ATP6V1B2: variants seen among roughly 807,000 people sequenced by gnomAD.
ATP6V1B2 encodes V-type proton ATPase subunit B, brain isoform.
ATP6V1B2 carries 23 observed loss-of-function variants against 66.7 expected under a neutral mutation model. The observed-to-expected ratio is 0.34, with a 90% CI of 0.25 to 0.49. The LOEUF is 0.49. Ranked by LOEUF, ATP6V1B2 falls within the 20% of genes least tolerant of loss-of-function variation. The pLI, the probability that ATP6V1B2 is intolerant of heterozygous loss-of-function variation, is 0.99. For missense variants in ATP6V1B2, 478 were observed against 650.8 expected (o/e 0.73, Z 2.89); for synonymous variants, 278 against 236.7 (o/e 1.17, Z -1.60).
rs942270609 is a variant in ATP6V1B2 at position 20,211,025 on chromosome 8, A to G, written c.464-152A>G. On this transcript the variant is annotated intron_variant, in intron 5 of 13. Transcript: ENST00000276390. ...AAATTATTTCAAGTTTCATATTTGA[A>G]AAATAACTGATTTTTTTTGTAGTAA... The G allele has an allele frequency of 4.7e-6, 5 of 1,053,474 alleles. No homozygotes were observed. The African/African-American group carries it at 8.5e-5, about 18-fold the overall frequency. 65.3% of individuals were successfully genotyped at this position (1,053,474 alleles called of 1,614,324 possible).
At position 20,218,511 on chromosome 8, in the gene ATP6V1B2, C is replaced by T. The variant is rs2072876750; in HGVS notation, c.1396+229C>T. On this transcript the variant is annotated intron_variant, in intron 13 of 13. Transcript: ENST00000276390. The stretch of plus-strand genomic sequence containing the variant: ...TACTCAGCTACCATCTCACTGTTTT[C>T]CTTCTTCCATCGCCCTTCTGAATCC... 2.6e-5 allele frequency among the ~76,000 whole-genome samples: 4 copies of T among 152,114 alleles called. No homozygotes were observed. In the South Asian group the frequency reaches 8.3e-4, roughly 31 times the overall value.
chr8:20,218,344 C>G, intron 13 of ATP6V1B2, 62 bp downstream of exon 13: 3 of 1,575,538 alleles, frequency 1.9e-6, no homozygotes, highest in Non-Finnish European at 2.6e-6. Flanking sequence ...AAACTGCTTT[C>G]CAAGCCTAAG....
rs186239163 is a variant in ATP6V1B2, at chr8:20,207,750, A to G, written c.193-1683A>G. 4.9e-4 allele frequency among the ~76,000 whole-genome samples: 74 copies of G among 152,062 alleles called. 1 individual carries two copies. The highest frequency in any genetic ancestry group is 1.8e-3 in the African/African-American group (73 of 41,558). On this transcript the variant is annotated intron_variant, in intron 2 of 13. Coordinates refer to ENST00000276390, the MANE Select transcript of ATP6V1B2 (RefSeq NM_001693.4). ...AAAAAAAAAGTGTTAAAACTTTTGT[A>G]TGAAGAGATACCATAAGCAAAATTA...
intron 10 of ATP6V1B2, 95 bp downstream of exon 10, chr8:20,215,063 A>G (rs1801103473): frequency 1.5e-6 from 2 of 1,321,886 alleles, no homozygotes; most frequent in Non-Finnish European, 1.0e-6. Context: ...TTGAGAACAC[A>G]TCCCCTAAGA....
At chr8:20,199,000 C>T (rs916186745) in intron 1 of ATP6V1B2, among the ~76,000 whole-genome samples, 4 of 152,156 alleles carry the variant, frequency 2.6e-5, no homozygotes, top group Admixed American at 2.6e-4. Flanking sequence ...TTGGGTAGAA[C>T]AGATAGACAT....
intron 1 of ATP6V1B2, among the ~76,000 whole-genome samples, chr8:20,198,048 C>T (rs1479354869): frequency 1.3e-5 from 2 of 152,154 alleles, no homozygotes; most frequent in Admixed American, 6.5e-5. Flanking sequence ...GGCCAGTAGC[C>T]AGAGGGAGAT....
chr8:20,215,604 C>T (rs879721440), intron 10 of ATP6V1B2: 15 of 152,152 alleles, frequency 9.9e-5, no homozygotes, highest in Non-Finnish European at 1.9e-4. Flanking sequence ...CACTCATTTG[C>T]TCCTCATAGC....
Position 20,204,424 on chromosome 8 carries a change from G to T in ATP6V1B2, c.137-60G>T, listed in dbSNP as rs146880422. On this transcript the variant is annotated intron_variant, in intron 1 of 13. Coordinates refer to ENST00000276390, the MANE Select transcript of ATP6V1B2 (RefSeq NM_001693.4). Reference sequence around the variant, plus strand: ...AGAAAGGATTTTTGGTAATGCCAGAGAGCTAATTTAAGCTTTTGTGCTATT... The same window carrying T: ...AGAAAGGATTTTTGGTAATGCCAGATAGCTAATTTAAGCTTTTGTGCTATT... 14,335 of 1,454,626 alleles carry T rather than the reference G, an allele frequency of 9.9e-3. 107 individuals are homozygous for T. Among genetic ancestry groups the T allele is most frequent in the Non-Finnish European group, 0.011 (11,734 of 1,041,048 alleles). 90.1% of individuals were successfully genotyped at this position (1,454,626 alleles called of 1,614,324 possible).
At chr8:20,216,829 T>C (rs1230789816) in intron 11 of ATP6V1B2, 2 of 261,680 alleles carry the variant, frequency 7.6e-6, no homozygotes, top group Non-Finnish European at 1.5e-5. Context: ...CTCTAGTAGA[T>C]GCTGACTTCT....
chr8:20,218,203 T>C lies in ATP6V1B2; in HGVS notation c.1317T>C (p.Val439=). The change falls in exon 13 of 14, where the codon GTT becomes GTC. Residue 439 remains valine (V), a synonymous_variant. Coordinates refer to ENST00000276390, the MANE Select transcript of ATP6V1B2 (RefSeq NM_001693.4). ...ATGTGCAAGCCATGAAAGCTGTCGT[T>C]GGAGAAGAAGCCCTTACCTCAGATG... ...GKDVQAMKAV[V]GEEALTSDDL... 1 of 1,613,504 alleles carries C rather than the reference T, an allele frequency of 6.2e-7. No individual in the cohort carries two copies. Among genetic ancestry groups the C allele is most frequent in the Non-Finnish European group, 8.5e-7 (1 of 1,179,540 alleles).
chr8:20,204,560 G>T, intron 2 of ATP6V1B2, 21 bp downstream of exon 2: 2 of 1,598,144 alleles, frequency 1.3e-6, no homozygotes, highest in South Asian at 2.2e-5. Flanking sequence ...TATCTGTTTT[G>T]GTCTATTTAT....
chr8:20,208,289 G>A (rs973730994), intron 2 of ATP6V1B2, among the ~76,000 whole-genome samples: 1 of 152,160 alleles, frequency 6.6e-6, no homozygotes, highest in Non-Finnish European at 1.5e-5. Flanking sequence ...ACTGGTAAAA[G>A]AACAGCTGAA....
chr8:20,205,322 G>C (rs1274104763), intron 2 of ATP6V1B2, among the ~76,000 whole-genome samples: 4 of 152,162 alleles, frequency 2.6e-5, no homozygotes, highest in Non-Finnish European at 1.5e-5. Context: ...ATTGTGTTAA[G>C]TGCTGAGCCC....
At chr8:20,220,025 C>T (rs185816063) in intron 13 of ATP6V1B2, among the ~76,000 whole-genome samples, 2 of 152,288 alleles carry the variant, frequency 1.3e-5, no homozygotes, top group East Asian at 1.9e-4. Flanking sequence ...TCACCATCCT[C>T]TCCCGCAAGA....
rs1490213139 is a variant in ATP6V1B2 at position 20,209,470 on chromosome 8, C to T, written c.230C>T (p.Pro77Leu). ...GCTGAAATTGTCCATTTGACCTTACCGGATGGCACAAAGAGAAGTGGGCAA... is the reference window on the plus strand; with the variant it reads ...GCTGAAATTGTCCATTTGACCTTACTGGATGGCACAAAGAGAAGTGGGCAA... ...RYAEIVHLTL[P>L]DGTKRSGQVL... The change falls in exon 3 of 14, where the codon CCG becomes CTG. Residue 77 changes from proline to leucine, a missense_variant. By Grantham distance (98) the Pro-to-Leu change is moderately conservative. Around this residue, in one of 2 missense-constraint regions of ATP6V1B2, gnomAD observed 152 missense variants for 105.2 expected, o/e 1.44. Coordinates refer to ENST00000276390, the MANE Select transcript of ATP6V1B2 (RefSeq NM_001693.4). 10 of 1,613,722 alleles carry T rather than the reference C, an allele frequency of 6.2e-6. No individual in the cohort carries two copies. Among genetic ancestry groups the T allele is most frequent in the African/African-American group, 4.0e-5 (3 of 74,850 alleles).
At chr8:20,211,618 G>C (rs2072794054) in intron 6 of ATP6V1B2, 34 bp from the exon 7 acceptor site, 17 of 1,560,564 alleles carry the variant, frequency 1.1e-5, no homozygotes, top group Non-Finnish European at 1.4e-5. Flanking sequence ...TGTTATTTTA[G>C]ATTTCAACTG....
intron 2 of ATP6V1B2, among the ~76,000 whole-genome samples, chr8:20,206,827 A>G (rs565906490): frequency 1.3e-5 from 2 of 152,146 alleles, no homozygotes; most frequent in Non-Finnish European, 2.9e-5. Flanking sequence ...ATGGGGCTGA[A>G]ATTTCCAATC....
chr8:20,207,823 T>A (rs139841963), intron 2 of ATP6V1B2, among the ~76,000 whole-genome samples: 1 of 151,988 alleles, frequency 6.6e-6, no homozygotes, highest in South Asian at 2.1e-4. Flanking sequence ...AGGATTAATA[T>A]AGAGAATCTA....
intron 7 of ATP6V1B2, 85 bp downstream of exon 7, chr8:20,211,838 G>A: frequency 1.8e-6 from 2 of 1,135,632 alleles, no homozygotes; most frequent in Non-Finnish European, 1.2e-6. Flanking sequence ...ATATATAGTT[G>A]AATTTTTCTT....
Sources: gnomAD v4.1 joint callset for allele counts (sites outside exome capture counted in the v4.1 genomes callset) on GRCh38, gnomAD v4.1.1 for gene constraint, gnomAD v4.1.1 regional missense constraint, MANE v1.5 for transcripts, NCBI Gene and HGNC (gene_info 2026-07-23, HGNC 2026-07-21) for gene names.